Variants in ENOX2 observed in about 807,000 individuals in gnomAD.
ENOX2 encodes APK1 antigen.
A neutral mutation model predicts 45.0 loss-of-function variants in ENOX2; 36 were observed. The observed-to-expected ratio is 0.80, with a 90% CI of 0.61 to 1.06. ENOX2 has a LOEUF of 1.06. Among genes scored for constraint, ENOX2 ranks in the 50% least tolerant of loss-of-function variants. The pLI, the probability that ENOX2 is intolerant of heterozygous loss-of-function variation, is 0.00. For missense variants in ENOX2, 423 were observed against 462.5 expected (o/e 0.91, Z 0.78); for synonymous variants, 174 against 152.3 (o/e 1.14, Z -1.05).
At chrX:130,659,735 T>C (rs2036639878) in intron 9 of ENOX2, among the ~76,000 whole-genome samples, 1 of 112,342 alleles carries the variant, frequency 8.9e-6, no homozygotes, top group African/African-American at 3.2e-5. Context: ...CAACTCTCAA[T>C]TCACAAACAT....
At chrX:130,881,162 C>T (rs1055230301) in intron 2 of ENOX2, among the ~76,000 whole-genome samples, 1 of 112,102 alleles carries the variant, frequency 8.9e-6, no homozygotes, top group Admixed American at 9.4e-5. Flanking sequence ...GAAGTAGCCA[C>T]ATTTCAATGC....
chrX:130,812,948 ATCTGAAAT>A (rs1481459219), intron 2 of ENOX2, among the ~76,000 whole-genome samples: 2 of 112,051 alleles, frequency 1.8e-5, no homozygotes, highest in Admixed American at 9.4e-5. Context: ...AGTATCCCTA[ATCTGAAAT>A]TCTGAAATCT....
At chrX:130,854,332 T>C (rs1298049869) in intron 2 of ENOX2, among the ~76,000 whole-genome samples, 2 of 111,629 alleles carry the variant, frequency 1.8e-5, no homozygotes, top group South Asian at 3.7e-4. Context: ...GACTTGAAGA[T>C]AGAACAATAG....
At chrX:130,831,794 A>T (rs1268597451) in intron 2 of ENOX2, among the ~76,000 whole-genome samples, 1 of 111,287 alleles carries the variant, frequency 9.0e-6, no homozygotes, top group Non-Finnish European at 1.9e-5. Flanking sequence ...GAGGGCAGCG[A>T]CCTTTGTATA....
chrX:130,717,737 C>T (rs940818841), intron 3 of ENOX2, among the ~76,000 whole-genome samples: 18 of 111,660 alleles, frequency 1.6e-4, no homozygotes, highest in African/African-American at 5.2e-4. Context: ...AAGATACAAG[C>T]GTAAAGTATA....
chrX:130,677,757 C>A (rs977276230), intron 6 of ENOX2, among the ~76,000 whole-genome samples: 1 of 111,285 alleles, frequency 9.0e-6, no homozygotes, highest in Non-Finnish European at 1.9e-5. Context: ...CTTCCAGCCT[C>A]CATAACTATA....
chrX:130,877,711 C>T (rs906417488), intron 2 of ENOX2, among the ~76,000 whole-genome samples: 20 of 111,544 alleles, frequency 1.8e-4, no homozygotes, highest in African/African-American at 6.5e-4. Context: ...GGAATGATTC[C>T]GATACTGAAA....
intron 2 of ENOX2, among the ~76,000 whole-genome samples, chrX:130,871,958 T>C (rs2078602345): frequency 8.9e-6 from 1 of 112,119 alleles, no homozygotes; most frequent in Admixed American, 9.4e-5. Context: ...GAAAAAGTAT[T>C]TTTAAAGCTG....
chrX:130,634,448 T>A lies in ENOX2; in HGVS notation c.1419+536A>T, dbSNP rs555452289. Reference sequence around the variant, plus strand: ...AGAGCTCTCAATTGATAAAGTCCCATCTTGGCTTCTAGCTTTAGAATACTG... The same window carrying A: ...AGAGCTCTCAATTGATAAAGTCCCAACTTGGCTTCTAGCTTTAGAATACTG... On this transcript the variant is annotated intron_variant, in intron 12 of 14. Transcript: ENST00000394363. Among the ~76,000 whole-genome samples, 18 of 112,024 alleles carry A rather than the reference T, an allele frequency of 1.6e-4. No homozygotes were observed. The South Asian group carries it at 6.8e-3, about 42-fold the overall frequency.
chrX:130,795,981 G>C (rs1354421674), intron 2 of ENOX2, among the ~76,000 whole-genome samples: 2 of 110,268 alleles, frequency 1.8e-5, no homozygotes, highest in Non-Finnish European at 3.8e-5. Flanking sequence ...TCTAATATGT[G>C]TGTGTGTGTG....
chrX:130,692,718 T>G (rs1469020481), intron 4 of ENOX2, among the ~76,000 whole-genome samples: 1 of 109,667 alleles, frequency 9.1e-6, no homozygotes, highest in African/African-American at 3.3e-5. Flanking sequence ...GTAGCTGGGA[T>G]TACAGGCATG....
At chrX:130,855,235 T>C (rs1229878712) in intron 2 of ENOX2, among the ~76,000 whole-genome samples, 1 of 111,990 alleles carries the variant, frequency 8.9e-6, no homozygotes, top group Non-Finnish European at 1.9e-5. Flanking sequence ...ATTATATTTC[T>C]ATATATTAGC....
At chrX:130,806,442 A>G (rs181088755) in intron 2 of ENOX2, among the ~76,000 whole-genome samples, 365 of 112,685 alleles carry the variant, frequency 3.2e-3, no homozygotes, top group African/African-American at 0.011. Flanking sequence ...TGCACAAAAG[A>G]AGGATAATGA....
intron 2 of ENOX2, among the ~76,000 whole-genome samples, chrX:130,785,071 A>C (rs1157235858): frequency 9.1e-6 from 1 of 109,788 alleles, no homozygotes; most frequent in Non-Finnish European, 1.9e-5. Flanking sequence ...TACACCTGTA[A>C]TCTCAGCACT....
At chrX:130,696,718 C>T (rs2037772130) in intron 4 of ENOX2, among the ~76,000 whole-genome samples, 1 of 111,572 alleles carries the variant, frequency 9.0e-6, no homozygotes, top group Admixed American at 9.5e-5. Flanking sequence ...TATGAAACTT[C>T]CTGTGAAAAA....
intron 4 of ENOX2, among the ~76,000 whole-genome samples, chrX:130,692,580 G>C (rs5977350): frequency 4.2e-5 from 4 of 94,921 alleles, no homozygotes; most frequent in African/African-American, 1.5e-4. Context: ...ATCTCTCTCT[G>C]TTTTTTTTTT....
At chrX:130,760,785 C>CAAAAAAAAAAAAAAA (rs555575901) in intron 3 of ENOX2, among the ~76,000 whole-genome samples, 1 of 9,394 alleles carries the variant, frequency 1.1e-4, no homozygotes. Context: ...GACTCCATCT[C>CAAAAAAAAAAAAAAA]AAAAAAAAAA....
chrX:130,893,316 C>G (rs891986100), intron 2 of ENOX2, among the ~76,000 whole-genome samples: 7 of 111,587 alleles, frequency 6.3e-5, no homozygotes, highest in Non-Finnish European at 1.3e-4. Context: ...ATATTGGAAA[C>G]AATGGTGGAA....
intron 3 of ENOX2, among the ~76,000 whole-genome samples, chrX:130,736,074 T>A (rs1333436165): frequency 1.8e-5 from 2 of 111,880 alleles, no homozygotes; most frequent in African/African-American, 6.5e-5. Flanking sequence ...TAAAAAATAC[T>A]ACGGGATGGC....
Sources: allele counts gnomAD v4.1 joint callset (sites outside exome capture counted in the v4.1 genomes callset), GRCh38; gene constraint gnomAD v4.1.1; transcripts MANE v1.5; gene names NCBI Gene and HGNC (gene_info 2026-07-23, HGNC 2026-07-21).